Variants in LAMA1 observed in about 807,000 individuals in gnomAD.
LAMA1 encodes the protein laminin subunit alpha 1.
LAMA1 carries 219 observed loss-of-function variants against 348.7 expected under a neutral mutation model. That is an observed-to-expected ratio of 0.63 (90% CI 0.56 to 0.70). LAMA1 has a LOEUF of 0.70. Ranked by LOEUF, LAMA1 falls within the 30% of genes least tolerant of loss-of-function variation. The pLI is 0.00. For missense variants in LAMA1, 3,744 were observed against 3,888.0 expected (o/e 0.96, Z 0.99); for synonymous variants, 1,487 against 1,491.0 (o/e 1.00, Z 0.06).
Position 6,976,018 on chromosome 18 carries a change from A to C in LAMA1, c.6408T>G (p.Ser2136=). ...CIRAYQPQIS[S]TNYNTLTLNV... Reference sequence around the variant, plus strand: ...TTAGTGTTAAGGTATTGTAGTTGGTAGAGGAAATCTGAGGCTGGTAGGCCC... The same window carrying C: ...TTAGTGTTAAGGTATTGTAGTTGGTCGAGGAAATCTGAGGCTGGTAGGCCC... Residue 2136 remains serine, a synonymous_variant, in exon 45 of 63, where the codon TCT becomes TCG. Transcript: ENST00000389658. 3 of 1,614,214 alleles carry C rather than the reference A, an allele frequency of 1.9e-6. No individual in the cohort carries two copies. The highest frequency in any genetic ancestry group is 2.5e-6 in the Non-Finnish European group (3 of 1,180,030).
At chr18:7,105,766 A>G (rs2058309513) in intron 1 of LAMA1, among the ~76,000 whole-genome samples, 1 of 152,174 alleles carries the variant, frequency 6.6e-6, no homozygotes, top group African/African-American at 2.4e-5. Context: ...ATCAATCAAC[A>G]CCCAATTCTG....
chr18:7,006,749 T>C (rs1413219970), intron 29 of LAMA1, among the ~76,000 whole-genome samples: 2 of 152,216 alleles, frequency 1.3e-5, no homozygotes, highest in South Asian at 2.1e-4. Context: ...CTGTAGGCAG[T>C]TGCAACACAA....
chr18:6,943,843 CAAAAAAAAAAA>C (rs61710961), intron 61 of LAMA1, among the ~76,000 whole-genome samples: 1 of 63,208 alleles, frequency 1.6e-5, no homozygotes, highest in African/African-American at 5.8e-5. Flanking sequence ...AACTCCATCT[CAAAAAAAAAAA>C]AAAAAAAAAA....
At chr18:7,098,294 CT>C (rs747638234) in intron 1 of LAMA1, among the ~76,000 whole-genome samples, 2 of 152,172 alleles carry the variant, frequency 1.3e-5, no homozygotes, top group Admixed American at 1.3e-4. Flanking sequence ...TGAGGAGTGT[CT>C]CTGCCTGGCC....
intron 1 of LAMA1, among the ~76,000 whole-genome samples, chr18:7,085,547 T>C (rs902096634): frequency 2.6e-5 from 4 of 151,206 alleles, no homozygotes; most frequent in Non-Finnish European, 2.9e-5. Context: ...GCCTCCAGAG[T>C]AGCTGGGACT....
intron 3 of LAMA1, among the ~76,000 whole-genome samples, chr18:7,058,108 A>G (rs868509732): frequency 2.0e-5 from 3 of 151,978 alleles, no homozygotes; most frequent in Non-Finnish European, 4.4e-5. Flanking sequence ...GGCCCAGCCC[A>G]TAATTATTTC....
At chr18:7,106,042 G>A (rs1484728042) in intron 1 of LAMA1, among the ~76,000 whole-genome samples, 1 of 152,158 alleles carries the variant, frequency 6.6e-6, no homozygotes, top group Non-Finnish European at 1.5e-5. Context: ...TAAGTGCAGG[G>A]ATTACTCACA....
intron 13 of LAMA1, among the ~76,000 whole-genome samples, chr18:7,035,326 G>C (rs1385591338): frequency 6.6e-6 from 1 of 152,000 alleles, no homozygotes; most frequent in East Asian, 1.9e-4. Flanking sequence ...GCCAAGTACT[G>C]CCTAATCCAT....
At chr18:7,012,281 A>G (rs2057864231) in intron 23 of LAMA1, 143 bp from the exon 24 acceptor site, 2 of 830,634 alleles carry the variant, frequency 2.4e-6, no homozygotes, top group Admixed American at 2.1e-5. Context: ...CCAGGCCCGG[A>G]GCTTTCTGAG....
rs747707290 is a variant in LAMA1 at position 6,974,963 on chromosome 18, C to T, written c.6563G>A (p.Arg2188His). Residue 2188 changes from arginine to histidine, a missense_variant, in exon 46 of 63, where the codon CGC (arginine) becomes CAC (histidine). By Grantham distance (29) the Arg-to-His change is conservative. Around this residue, in one of 3 missense-constraint regions of LAMA1, gnomAD observed 1,983 missense variants for 1,934.3 expected, o/e 1.03. Transcript: ENST00000389658. ...AATGGGAAAGTCTGGAAACTCCAAGCGTGTGGACCCGGAGCCCAGGTCCCA... is the reference window on the plus strand; with the variant it reads ...AATGGGAAAGTCTGGAAACTCCAAGTGTGTGGACCCGGAGCCCAGGTCCCA... ...FLWDLGSGST[R>H]LEFPDFPIDD... 13 of 1,614,062 alleles carry T rather than the reference C, an allele frequency of 8.1e-6. No individual in the cohort carries two copies. The highest frequency in any genetic ancestry group is 4.0e-5 in the African/African-American group (3 of 74,998).
At chr18:7,034,145 C>G (rs676085) in intron 14 of LAMA1, among the ~76,000 whole-genome samples, 69,404 of 151,990 alleles carry the variant, frequency 0.46, 17,089 homozygotes, top group African/African-American at 0.65. Flanking sequence ...TGAGTAAAAG[C>G]TAAGACCATT....
intron 3 of LAMA1, among the ~76,000 whole-genome samples, chr18:7,066,434 G>A (rs2058123185): frequency 6.6e-6 from 1 of 152,104 alleles, no homozygotes; most frequent in South Asian, 2.1e-4. Context: ...AGTCAAATCG[G>A]TTCTTTCTCT....
rs71165720 is a variant in LAMA1 at position 7,095,122 on chromosome 18, TTC to T, written c.62-14667_62-14666del. Among the ~76,000 whole-genome samples the T allele has an allele frequency of 3.6e-3, 451 of 126,536 alleles. 4 individuals are homozygous for T. Among genetic ancestry groups the T allele is most frequent in the South Asian group, 0.02 (70 of 3,584 alleles). 83.0% of individuals were successfully genotyped at this position (126,536 alleles called of 152,430 possible). Reference sequence around the variant, plus strand: ...CTGTTCCCTGGTTGCCTCAGGACCTTTCTCTCTCTCTCTCTCTCTCTCTCTCT... The same window carrying T: ...CTGTTCCCTGGTTGCCTCAGGACCTTTCTCTCTCTCTCTCTCTCTCTCTCT... On this transcript the variant is annotated intron_variant, in intron 1 of 62. Coordinates refer to ENST00000389658, the MANE Select transcript of LAMA1 (RefSeq NM_005559.4).
intron 19 of LAMA1, among the ~76,000 whole-genome samples, chr18:7,021,039 CTG>C (rs2057913021): frequency 1.3e-5 from 2 of 152,174 alleles, no homozygotes; most frequent in South Asian, 4.1e-4. Flanking sequence ...CTCCCTGTCT[CTG>C]TCTTTTCCAT....
chr18:6,976,152 T>C (rs2144037367), intron 44 of LAMA1, 72 bp from the exon 45 acceptor site: 2 of 1,468,460 alleles, frequency 1.4e-6, no homozygotes, highest in Non-Finnish European at 9.5e-7. Context: ...AGCTCAACAA[T>C]GCTATTCTGT....
intron 3 of LAMA1, among the ~76,000 whole-genome samples, chr18:7,053,052 T>G (rs2058068383): frequency 6.6e-6 from 1 of 152,026 alleles, no homozygotes; most frequent in South Asian, 2.1e-4. Context: ...AACAAACAAA[T>G]GCATATTACT....
chr18:7,080,815 A>T, intron 1 of LAMA1, among the ~76,000 whole-genome samples: 1 of 152,192 alleles, frequency 6.6e-6, no homozygotes, highest in East Asian at 1.9e-4. Context: ...ATTTGGGTAG[A>T]TCCGTGTATC....
intron 29 of LAMA1, among the ~76,000 whole-genome samples, chr18:7,002,881 C>G (rs570048987): frequency 7.4e-6 from 1 of 135,092 alleles, no homozygotes. Context: ...TAATTTTTTT[C>G]TTTCTTTTTT....
rs781156411 is a variant in LAMA1, at chr18:6,959,498, G to A, written c.7627-6C>T. On this transcript the variant is annotated splice_region_variant and splice_polypyrimidine_tract_variant and intron_variant, in intron 53 of 62. Transcript: ENST00000389658. ...AGCATGACGGAAAAGAAGGGCTGGG[G>A]AGGTTGCATAGAGAATTTCCCAGAC... 6.2e-7 allele frequency: 1 copy of A among 1,614,130 alleles called. No individual in the cohort carries two copies. The highest frequency in any genetic ancestry group is 8.5e-7 in the Non-Finnish European group (1 of 1,180,002).
Sources: allele counts gnomAD v4.1 joint callset (sites outside exome capture counted in the v4.1 genomes callset), GRCh38; gene constraint gnomAD v4.1.1; regional missense constraint gnomAD v4.1.1; transcripts MANE v1.5; gene names NCBI Gene and HGNC (gene_info 2026-07-23, HGNC 2026-07-21).